UTP23: variants seen among roughly 807,000 people sequenced by gnomAD.
The protein encoded by UTP23 is rRNA-processing protein UTP23 homolog.
Under a neutral mutation model 19.8 loss-of-function variants are expected in UTP23, and 10 were observed. That is an observed-to-expected ratio of 0.50 (90% CI 0.31 to 0.86). The LOEUF is 0.86. Among genes scored for constraint, UTP23 ranks in the 40% least tolerant of loss-of-function variants. The pLI, the probability that UTP23 is intolerant of heterozygous loss-of-function variation, is 0.05. For synonymous variants in UTP23, 108 were observed against 105.4 expected, an observed-to-expected ratio of 1.02 and a Z score of -0.15; for missense variants, 282 against 293.1, an observed-to-expected ratio of 0.96 and a Z score of 0.28.
chr8:116,769,916 C>A (rs931745886), intron 1 of UTP23, among the ~76,000 whole-genome samples: 1 of 152,062 alleles, frequency 6.6e-6, no homozygotes, highest in Admixed American at 6.6e-5. Context: ...TCAAGGTAAG[C>A]GACCTAACTT....
chr8:116,766,567 T>A lies in UTP23; in HGVS notation c.-37T>A. 1 of 1,595,040 alleles carries A rather than the reference T, an allele frequency of 6.3e-7. No homozygotes were observed. Among genetic ancestry groups the A allele is most frequent in the Non-Finnish European group, 8.5e-7 (1 of 1,169,772 alleles). On this transcript the variant is annotated 5_prime_UTR_variant, in exon 1 of 3. Coordinates refer to ENST00000309822, the MANE Select transcript of UTP23 (RefSeq NM_032334.3). ...GCGTGCGTGAGGCGTTTACTGATGCTTCCTGGTCCGGTGGCCTCGGTCCCG... is the reference window on the plus strand; with the variant it reads ...GCGTGCGTGAGGCGTTTACTGATGCATCCTGGTCCGGTGGCCTCGGTCCCG...
chr8:116,770,072 G>A (rs112796306), intron 1 of UTP23, 120 bp from the exon 2 acceptor site: 14 of 959,666 alleles, frequency 1.5e-5, no homozygotes, highest in African/African-American at 1.2e-4. Flanking sequence ...AAAGTAAATG[G>A]TTACCAGATG....
chr8:116,774,129 C>T lies in UTP23; in HGVS notation c.*2287C>T. ...CTTTGTTGGGGATAAAAGTGTAATA[C>T]ATGCACTTTTGAACTCTGAAAGTTT... On this transcript the variant is annotated 3_prime_UTR_variant, in exon 3 of 3. Transcript: ENST00000309822. 1 of 985,348 alleles carries T rather than the reference C, an allele frequency of 1.0e-6. No homozygotes were observed. Among genetic ancestry groups the T allele is most frequent in the Non-Finnish European group, 1.2e-6 (1 of 829,926 alleles). 61.0% of individuals were successfully genotyped at this position (985,348 alleles called of 1,614,324 possible).
chr8:116,771,619 A>T lies in UTP23; in HGVS notation c.527A>T (p.Lys176Ile), dbSNP rs140123921. 6.2e-7 allele frequency: 1 copy of T among 1,611,496 alleles called. No homozygotes were observed. The highest frequency in any genetic ancestry group is 8.5e-7 in the Non-Finnish European group (1 of 1,179,424). ...LVSVHEKESI[K>I]HLKEEQGLVK... ...TCAGTGCATGAGAAAGAAAGTATCA[A>T]ACATCTCAAAGAGGAACAGGGTTTA... Residue 176 changes from lysine (K) to isoleucine (I), a missense_variant, in exon 3 of 3, where the codon AAA (lysine) becomes ATA (isoleucine). Transcript: ENST00000309822.
Position 116,772,648 on chromosome 8 carries a change from G to A in UTP23, c.*806G>A. 1 of 984,916 alleles carries A rather than the reference G, an allele frequency of 1.0e-6. No homozygotes were observed. Among genetic ancestry groups the A allele is most frequent in the Non-Finnish European group, 1.2e-6 (1 of 829,538 alleles). 61.0% of individuals were successfully genotyped at this position (984,916 alleles called of 1,614,324 possible). On this transcript the variant is annotated 3_prime_UTR_variant, in exon 3 of 3. Transcript: ENST00000309822. ...TGAGTTCTACTTGTCCAATAAGGAT[G>A]ATGATTTTCTTTTAGATGTAAATGT...
In UTP23 at chr8:116,772,000, T is replaced by C. The variant is rs1023634998; in HGVS notation, c.*158T>C. 7.5e-6 allele frequency: 10 copies of C among 1,336,508 alleles called. No individual in the cohort carries two copies. The highest frequency in any genetic ancestry group is 9.5e-6 in the Non-Finnish European group (10 of 1,049,378). 82.8% of individuals were successfully genotyped at this position (1,336,508 alleles called of 1,614,324 possible). A position where few individuals can be genotyped will look rare whatever the true frequency, so the allele number is the denominator to read the frequency against. Reference sequence around the variant, plus strand: ...AAAACAGTGACCAGTCTAGCCAGCATGGCAAAACCCCATCTCTACTAAAAT... The same window carrying C: ...AAAACAGTGACCAGTCTAGCCAGCACGGCAAAACCCCATCTCTACTAAAAT... On this transcript the variant is annotated 3_prime_UTR_variant, in exon 3 of 3. Transcript: ENST00000309822.
chr8:116,768,408 C>T (rs1168415140), intron 1 of UTP23, among the ~76,000 whole-genome samples: 1 of 152,150 alleles, frequency 6.6e-6, no homozygotes, highest in Admixed American at 6.5e-5. Flanking sequence ...ATTTTTCTAA[C>T]AAATTTATTT....
In UTP23 at chr8:116,772,577, C is replaced by T. The variant is rs1273849298; in HGVS notation, c.*735C>T. On this transcript the variant is annotated 3_prime_UTR_variant, in exon 3 of 3. Coordinates refer to ENST00000309822, the MANE Select transcript of UTP23 (RefSeq NM_032334.3). The stretch of plus-strand genomic sequence containing the variant: ...TATTTTACTCTTTGTACATCAGAAA[C>T]TCAGTATTTTCATTATTATGACTAG... 1.0e-6 allele frequency: 1 copy of T among 984,840 alleles called. No homozygotes were observed. Among genetic ancestry groups the T allele is most frequent in the East Asian group, 1.1e-4 (1 of 8,824 alleles). The allele number at this position is 984,840 out of a possible 1,614,324, so 61.0% of individuals were successfully genotyped here. A position where few individuals can be genotyped will look rare whatever the true frequency, so the allele number is the denominator to read the frequency against.
At position 116,772,941 on chromosome 8, in the gene UTP23, G is replaced by A; in HGVS notation, c.*1099G>A. On this transcript the variant is annotated 3_prime_UTR_variant, in exon 3 of 3. Coordinates refer to ENST00000309822, the MANE Select transcript of UTP23 (RefSeq NM_032334.3). Reference sequence around the variant, plus strand: ...TAGTTCCTGACTGACAGCTTCTGGAGCCACACTAGAGCAGTGATTCTCAGT... The same window carrying A: ...TAGTTCCTGACTGACAGCTTCTGGAACCACACTAGAGCAGTGATTCTCAGT... 1 of 985,376 alleles carries A rather than the reference G, an allele frequency of 1.0e-6. No individual in the cohort carries two copies. The highest frequency in any genetic ancestry group is 1.2e-6 in the Non-Finnish European group (1 of 829,906). 61.0% of individuals were successfully genotyped at this position (985,376 alleles called of 1,614,324 possible). A position where few individuals can be genotyped will look rare whatever the true frequency, so the allele number is the denominator to read the frequency against.
At position 116,772,197 on chromosome 8, in the gene UTP23, A is replaced by C; in HGVS notation, c.*355A>C. 1.0e-6 allele frequency: 1 copy of C among 997,492 alleles called. No individual in the cohort carries two copies. Among genetic ancestry groups the C allele is most frequent in the East Asian group, 1.0e-4 (1 of 9,996 alleles). 61.8% of individuals were successfully genotyped at this position (997,492 alleles called of 1,614,324 possible). On this transcript the variant is annotated 3_prime_UTR_variant, in exon 3 of 3. Transcript: ENST00000309822. ...AACATGTCTCAAAAAAAAAATAAAA[A>C]CAGTGAATGGGTGTAGGTGTGATGG...
chr8:116,772,773 A>G lies in UTP23; in HGVS notation c.*931A>G, dbSNP rs1350002749. On this transcript the variant is annotated 3_prime_UTR_variant, in exon 3 of 3. Coordinates refer to ENST00000309822, the MANE Select transcript of UTP23 (RefSeq NM_032334.3). ...ATTAGTCTGAGGATCAATGAGGGTC[A>G]ATTCAGTTAGGAATTGAATAATGAA... 1 of 985,338 alleles carries G rather than the reference A, an allele frequency of 1.0e-6. No individual in the cohort carries two copies. The highest frequency in any genetic ancestry group is 1.7e-5 in the African/African-American group (1 of 57,244). The allele number at this position is 985,338 out of a possible 1,614,324, so 61.0% of individuals were successfully genotyped here.
At position 116,772,824 on chromosome 8, in the gene UTP23, A is replaced by G; in HGVS notation, c.*982A>G. 1.0e-6 allele frequency: 1 copy of G among 985,432 alleles called. No homozygotes were observed. Among genetic ancestry groups the G allele is most frequent in the Non-Finnish European group, 1.2e-6 (1 of 829,926 alleles). The allele number at this position is 985,432 out of a possible 1,614,324, so 61.0% of individuals were successfully genotyped here. ...ACGTGTCTCTCTGAATTCCCCCGGC[A>G]ATTGTTTTAGTCATTTATCAGGCCA... On this transcript the variant is annotated 3_prime_UTR_variant, in exon 3 of 3. Transcript: ENST00000309822.
intron 1 of UTP23, 124 bp from the exon 2 acceptor site, chr8:116,770,068 A>C: frequency 1.1e-6 from 1 of 925,876 alleles, no homozygotes; most frequent in South Asian, 2.4e-5. Flanking sequence ...TTTTAAAGTA[A>C]ATGGTTACCA....
Position 116,772,598 on chromosome 8 carries a change from A to G in UTP23, c.*756A>G. Reference sequence around the variant, plus strand: ...GAAACTCAGTATTTTCATTATTATGACTAGAGTTTTTTTGTTTGTTTGTTT... The same window carrying G: ...GAAACTCAGTATTTTCATTATTATGGCTAGAGTTTTTTTGTTTGTTTGTTT... On this transcript the variant is annotated 3_prime_UTR_variant, in exon 3 of 3. Coordinates refer to ENST00000309822, the MANE Select transcript of UTP23 (RefSeq NM_032334.3). 7 of 984,160 alleles carry G rather than the reference A, an allele frequency of 7.1e-6. No individual in the cohort carries two copies. The highest frequency in any genetic ancestry group is 8.4e-6 in the Non-Finnish European group (7 of 828,808). 61.0% of individuals were successfully genotyped at this position (984,160 alleles called of 1,614,324 possible).
At chr8:116,768,275 G>A (rs375288846) in intron 1 of UTP23, among the ~76,000 whole-genome samples, 23 of 152,102 alleles carry the variant, frequency 1.5e-4, no homozygotes, top group African/African-American at 5.3e-4. Flanking sequence ...TGAATTGATT[G>A]CTTTTGTCTA....
chr8:116,768,763 C>G (rs1815616612), intron 1 of UTP23, among the ~76,000 whole-genome samples: 1 of 152,176 alleles, frequency 6.6e-6, no homozygotes. Context: ...CTCCCGGGTT[C>G]AAGTGATTTC....
At position 116,772,120 on chromosome 8, in the gene UTP23, T is replaced by C. The variant is rs1301547011; in HGVS notation, c.*278T>C. ...TCGCTTGAACCTGGGAGGCAGAGAT[T>C]GCAGTGAGCCCAGTTCGTGTCACTT... On this transcript the variant is annotated 3_prime_UTR_variant, in exon 3 of 3. Coordinates refer to ENST00000309822, the MANE Select transcript of UTP23 (RefSeq NM_032334.3). 9.3e-6 allele frequency: 10 copies of C among 1,079,490 alleles called. No individual in the cohort carries two copies. In the Admixed American group the frequency reaches 2.0e-4, roughly 22 times the overall value. The allele number at this position is 1,079,490 out of a possible 1,614,324, so 66.9% of individuals were successfully genotyped here.
rs1815682163 is a variant in UTP23, at chr8:116,773,224, A to T, written c.*1382A>T. On this transcript the variant is annotated 3_prime_UTR_variant, in exon 3 of 3. Coordinates refer to ENST00000309822, the MANE Select transcript of UTP23 (RefSeq NM_032334.3). ...AACATTTTTAATAAGGAAGGTAAAA[A>T]TACTGGAAAAAAGTGAATAGTGTAG... The T allele has an allele frequency of 1.0e-6, 1 of 985,314 alleles. No homozygotes were observed. The highest frequency in any genetic ancestry group is 4.7e-5 in the South Asian group (1 of 21,294). 61.0% of individuals were successfully genotyped at this position (985,314 alleles called of 1,614,324 possible). A position where few individuals can be genotyped will look rare whatever the true frequency, so the allele number is the denominator to read the frequency against.
At position 116,766,526 on chromosome 8, in the gene UTP23, C is replaced by A; in HGVS notation, c.-78C>A. On this transcript the variant is annotated 5_prime_UTR_variant, in exon 1 of 3. Transcript: ENST00000309822. ...GCGCTTCATTTCCGGGTGAAACTGGCATTGAGGGTACTGGGGCGTGCGTGA... is the reference window on the plus strand; with the variant it reads ...GCGCTTCATTTCCGGGTGAAACTGGAATTGAGGGTACTGGGGCGTGCGTGA... 2 of 1,455,896 alleles carry A rather than the reference C, an allele frequency of 1.4e-6. No individual in the cohort carries two copies. Among genetic ancestry groups the A allele is most frequent in the Non-Finnish European group, 1.8e-6 (2 of 1,086,926 alleles). The allele number at this position is 1,455,896 out of a possible 1,614,324, so 90.2% of individuals were successfully genotyped here.
Sources: gnomAD v4.1 joint callset for allele counts (sites outside exome capture counted in the v4.1 genomes callset) on GRCh38, gnomAD v4.1.1 for gene constraint, MANE v1.5 for transcripts, NCBI Gene and HGNC (gene_info 2026-07-23, HGNC 2026-07-21) for gene names.